The following ZNF343 variants were observed in gnomAD, a reference collection of about 807,000 sequenced individuals.
ZNF343 encodes zinc finger protein 343.
Under a neutral mutation model 13.8 loss-of-function variants are expected in ZNF343, and 11 were observed. The observed-to-expected ratio is 0.80, with a 90% confidence interval of 0.50 to 1.32. ZNF343 has a LOEUF of 1.32. Among genes scored for constraint, ZNF343 ranks in the 40% most tolerant of loss-of-function variants. The pLI is 0.00. For synonymous variants in ZNF343, 248 were observed against 260.0 expected (o/e 0.95, Z 0.44); for missense variants, 658 against 714.2 (o/e 0.92, Z 0.90).
chr20:2,514,175 A>G lies in ZNF343; in HGVS notation c.-347+10280T>C, dbSNP rs528535153. Reference sequence around the variant, plus strand: ...ATTAGATAATGGTGATGGTTGGGCAATATTGTGAATGTACTGAATGACTCT... The same window carrying G: ...ATTAGATAATGGTGATGGTTGGGCAGTATTGTGAATGTACTGAATGACTCT... On this transcript the variant is annotated intron_variant, in intron 1 of 6. Coordinates refer to the ZNF343 transcript ENST00000358413. Among the ~76,000 whole-genome samples, 6 of 152,398 alleles carry G rather than the reference A, an allele frequency of 3.9e-5. No individual in the cohort carries two copies. In the South Asian group the frequency reaches 6.2e-4, roughly 16 times the overall value.
chr20:2,483,078 C>T lies in ZNF343; in HGVS notation c.*83G>A. ...AATCTGTGTACACAGGGTCTACTCC[C>T]CATGTGTCTCTCTGGGGTAACATGA... On this transcript the variant is annotated 3_prime_UTR_variant, in exon 6 of 6. Transcript: ENST00000278772. 6.8e-7 allele frequency: 1 copy of T among 1,471,064 alleles called. No individual in the cohort carries two copies. Among genetic ancestry groups the T allele is most frequent in the Non-Finnish European group, 9.2e-7 (1 of 1,088,866 alleles). The allele number at this position is 1,471,064 out of a possible 1,614,324, so 91.1% of individuals were successfully genotyped here.
chr20:2,489,145 T>C (rs2085327161), intron 5 of ZNF343, among the ~76,000 whole-genome samples: 1 of 152,364 alleles, frequency 6.6e-6, no homozygotes, highest in South Asian at 2.1e-4. Context: ...ATTGTGGTTA[T>C]GTAAGAATCC....
chr20:2,502,494 C>A (rs2085585838), intron 1 of ZNF343, among the ~76,000 whole-genome samples: 1 of 152,000 alleles, frequency 6.6e-6, no homozygotes, highest in Non-Finnish European at 1.5e-5. Context: ...AAGAGCAACT[C>A]CAAGACACAT....
At chr20:2,523,588 C>A (rs2085791689) in intron 1 of ZNF343, among the ~76,000 whole-genome samples, 1 of 151,880 alleles carries the variant, frequency 6.6e-6, no homozygotes, top group South Asian at 2.1e-4. Context: ...CCCTGCCTTA[C>A]TGCCATCCTA....
upstream of ZNF343, among the ~76,000 whole-genome samples, chr20:2,513,258 C>T (rs911719497): frequency 1.3e-5 from 2 of 152,090 alleles, no homozygotes; most frequent in Non-Finnish European, 2.9e-5. Context: ...TTCTATGACT[C>T]AATAACAAAA....
At chr20:2,519,076 CT>C (rs1462284139) in intron 1 of ZNF343, among the ~76,000 whole-genome samples, 1 of 152,172 alleles carries the variant, frequency 6.6e-6, no homozygotes, top group Non-Finnish European at 1.5e-5. Context: ...AATTAAACCT[CT>C]TTCCTTTTTA....
chr20:2,519,562 C>T lies in ZNF343; in HGVS notation c.-347+4893G>A, dbSNP rs949228982. On this transcript the variant is annotated intron_variant, in intron 1 of 6. Coordinates refer to the ZNF343 transcript ENST00000358413. ...CCTCCATAATTGTGTGAAGCAATTCCTTATACTAAATCTCCATATGTGTGT... is the reference window on the plus strand; with the variant it reads ...CCTCCATAATTGTGTGAAGCAATTCTTTATACTAAATCTCCATATGTGTGT... 3.3e-5 allele frequency among the ~76,000 whole-genome samples: 5 copies of T among 152,190 alleles called. No individual in the cohort carries two copies. The East Asian group carries it at 5.8e-4, about 18-fold the overall frequency.
chr20:2,492,156 T>C (rs2085376363), intron 5 of ZNF343: 1 of 155,722 alleles, frequency 6.4e-6, no homozygotes. Context: ...ACAATAAACT[T>C]GACTCTTAAT....
chr20:2,514,105 GAAAAT>G (rs1187155381), intron 1 of ZNF343, among the ~76,000 whole-genome samples: 1 of 152,106 alleles, frequency 6.6e-6, no homozygotes, highest in African/African-American at 2.4e-5. Flanking sequence ...TTTAAAATGA[GAAAAT>G]AAATAGAAAA....
chr20:2,513,442 G>A (rs1040198979), upstream of ZNF343, among the ~76,000 whole-genome samples: 1 of 152,110 alleles, frequency 6.6e-6, no homozygotes, highest in African/African-American at 2.4e-5. Context: ...CACTAGAATG[G>A]CTATGATAAA....
At chr20:2,492,565 C>T in intron 5 of ZNF343, 134 bp downstream of exon 5, 1 of 997,302 alleles carries the variant, frequency 1.0e-6, no homozygotes, top group African/African-American at 1.7e-5. Context: ...AGAAAGTAAG[C>T]CCCATGGAGG....
intron 2 of ZNF343, among the ~76,000 whole-genome samples, chr20:2,499,464 C>CAAAA (rs35155995): frequency 4.5e-5 from 3 of 66,550 alleles, no homozygotes; most frequent in African/African-American, 6.1e-5. Flanking sequence ...GACTCCGTCT[C>CAAAA]AAAAAAAAAA....
chr20:2,487,289 A>G (rs2085296398), intron 5 of ZNF343, among the ~76,000 whole-genome samples: 1 of 152,252 alleles, frequency 6.6e-6, no homozygotes, highest in African/African-American at 2.4e-5. Flanking sequence ...AAAACTATTC[A>G]GAAAGGGCAT....
rs897183149 is a variant in ZNF343, at chr20:2,482,848, T to G, written c.*313A>C. On this transcript the variant is annotated 3_prime_UTR_variant, in exon 6 of 6. Coordinates refer to ENST00000278772, the MANE Select transcript of ZNF343 (RefSeq NM_024325.6). The stretch of plus-strand genomic sequence containing the variant: ...AGGGTGCTTTCCCCTGAGGCTGTCA[T>G]TGGATGTCTGGTAAATGTTGATTAT... The G allele has an allele frequency of 6.3e-6, 2 of 317,884 alleles. No individual in the cohort carries two copies. Among genetic ancestry groups the G allele is most frequent in the East Asian group, 1.2e-4 (2 of 17,294 alleles). 19.7% of individuals were successfully genotyped at this position (317,884 alleles called of 1,614,324 possible). A position where few individuals can be genotyped will look rare whatever the true frequency, so the allele number is the denominator to read the frequency against.
chr20:2,484,385 T>C lies in ZNF343; in HGVS notation c.576A>G (p.Ala192=). 1 of 1,614,218 alleles carries C rather than the reference T, an allele frequency of 6.2e-7. No individual in the cohort carries two copies. The highest frequency in any genetic ancestry group is 8.5e-7 in the Non-Finnish European group (1 of 1,180,034). The part of the protein sequence containing the change: ...ARTEERETSR[A]FPSPLQRQSA... Reference sequence around the variant, plus strand: ...ACTGTCTTTGGAGTGGGCTGGGGAATGCCCTTGAGGTTTCTCTCTCCTCTG... The same window carrying C: ...ACTGTCTTTGGAGTGGGCTGGGGAACGCCCTTGAGGTTTCTCTCTCCTCTG... Residue 192 remains alanine, a synonymous_variant, in exon 6 of 6, where the codon GCA becomes GCG. Transcript: ENST00000278772.
Position 2,494,058 on chromosome 20 carries a change from A to G in ZNF343, c.-149-14T>C. 1.6e-6 allele frequency: 1 copy of G among 620,402 alleles called. No homozygotes were observed. Among genetic ancestry groups the G allele is most frequent in the Non-Finnish European group, 2.9e-6 (1 of 350,726 alleles). The allele number at this position is 620,402 out of a possible 1,614,324, so 38.4% of individuals were successfully genotyped here. A position where few individuals can be genotyped will look rare whatever the true frequency, so the allele number is the denominator to read the frequency against. ...TGCAGCCAGGACCTGTGGGATGAAG[A>G]AGCAATTTGCTATTGCTGGGGCTTT... On this transcript the variant is annotated splice_polypyrimidine_tract_variant and intron_variant, in intron 2 of 5. Transcript: ENST00000278772.
At chr20:2,485,007 G>A (rs368381612) in intron 5 of ZNF343, among the ~76,000 whole-genome samples, 45 of 152,210 alleles carry the variant, frequency 3.0e-4, no homozygotes, top group African/African-American at 7.9e-4. Context: ...TATGACACAT[G>A]TGGAAATCTC....
Position 2,501,394 on chromosome 20 carries a change from T to C in ZNF343, c.-236-652A>G, listed in dbSNP as rs187462495. The stretch of plus-strand genomic sequence containing the variant: ...AGACTCCACCTCTGGGGGCAGGGCA[T>C]TGCCAAACAAAAGGCAGCAGAATCC... On this transcript the variant is annotated intron_variant, in intron 1 of 5. Transcript: ENST00000278772. Among the ~76,000 whole-genome samples, 6 of 152,328 alleles carry C rather than the reference T, an allele frequency of 3.9e-5. No homozygotes were observed. The East Asian group carries it at 9.7e-4, about 25-fold the overall frequency.
chr20:2,488,215 A>C (rs908875082), intron 5 of ZNF343, among the ~76,000 whole-genome samples: 22 of 152,134 alleles, frequency 1.4e-4, no homozygotes, highest in Non-Finnish European at 3.1e-4. Context: ...AGGTGATAGA[A>C]TATTTACCCC....
Sources: gnomAD v4.1 joint callset for allele counts (sites outside exome capture counted in the v4.1 genomes callset) on GRCh38, gnomAD v4.1.1 for gene constraint, MANE v1.5 for transcripts, NCBI Gene and HGNC (gene_info 2026-07-23, HGNC 2026-07-21) for gene names.